The following ETV1 variants were observed in gnomAD, a reference collection of about 807,000 sequenced individuals.
The protein encoded by ETV1 is ETS variant transcription factor 1.
In ETV1, 27 loss-of-function variants were observed where a neutral mutation model predicts 62.3. The observed-to-expected ratio is 0.43, with a 90% CI of 0.32 to 0.60. The LOEUF (loss-of-function observed/expected upper bound fraction) is 0.60. ETV1 is among the 20% of genes least tolerant of loss of function. The pLI, the probability that ETV1 is intolerant of heterozygous loss-of-function variation, is 0.06. For missense variants in ETV1, 605 were observed against 605.8 expected, an observed-to-expected ratio of 1.00 and a Z score of 0.01; for synonymous variants, 222 against 199.6, an observed-to-expected ratio of 1.11 and a Z score of -0.94.
At chr7:13,896,743 G>GGAAAA (rs1781846636) in intron 13 of ETV1, among the ~76,000 whole-genome samples, 1 of 115,302 alleles carries the variant, frequency 8.7e-6, no homozygotes, top group Non-Finnish European at 1.7e-5. Flanking sequence ...AAGAAAGAAA[G>GGAAAA]GAAAGAAAGA....
At chr7:13,931,220 T>C (rs183991137) in intron 9 of ETV1, among the ~76,000 whole-genome samples, 301 of 152,050 alleles carry the variant, frequency 2.0e-3, no homozygotes, top group African/African-American at 7.0e-3. Context: ...AGAAAAAAAA[T>C]TGCAATGTCC....
chr7:13,907,951 C>T (rs1041280651), intron 11 of ETV1: 5 of 377,264 alleles, frequency 1.3e-5, no homozygotes, highest in African/African-American at 2.1e-5. Context: ...ATCTTCATAT[C>T]GATTTCAATG....
At chr7:13,979,706 A>G (rs1308750091) in intron 5 of ETV1, among the ~76,000 whole-genome samples, 1 of 152,154 alleles carries the variant, frequency 6.6e-6, no homozygotes, top group Admixed American at 6.5e-5. Context: ...CTGGGCTTTT[A>G]AAAAGCCAAC....
rs1782331457 is a variant in ETV1, at chr7:13,900,791, C to T, written c.1159G>A (p.Asp387Asn). The change falls in exon 13 of 14, where the codon GAT becomes AAT. Residue 387 changes from aspartate to asparagine, a missense_variant. Asp to Asn is a conservative substitution (Grantham distance 23). Coordinates refer to ENST00000430479, the MANE Select transcript of ETV1 (RefSeq NM_004956.5). Reference sequence around the variant, plus strand: ...TAGCGGAGTGAACGGCTAAGTTTATCATAGTTCATAGCTGGCCTGTTTTTC... The same window carrying T: ...TAGCGGAGTGAACGGCTAAGTTTATTATAGTTCATAGCTGGCCTGTTTTTC... ...IQKNRPAMNY[D>N]KLSRSLRYYY... is the part of the protein sequence containing the mutation. The T allele has an allele frequency of 6.2e-7, 1 of 1,611,612 alleles. No individual in the cohort carries two copies. Among genetic ancestry groups the T allele is most frequent in the Non-Finnish European group, 8.5e-7 (1 of 1,178,906 alleles).
chr7:13,947,644 T>C (rs1448080440), intron 6 of ETV1, among the ~76,000 whole-genome samples: 1 of 152,252 alleles, frequency 6.6e-6, no homozygotes, highest in Non-Finnish European at 1.5e-5. Flanking sequence ...CTCTTGAGTA[T>C]ATAATTCAAA....
chr7:13,989,634 A>G lies in ETV1; in HGVS notation c.-356T>C. 5.0e-6 allele frequency: 2 copies of G among 399,126 alleles called. No homozygotes were observed. The highest frequency in any genetic ancestry group is 6.3e-4 in the Middle Eastern group (1 of 1,588). The allele number at this position is 399,126 out of a possible 1,614,324, so 24.7% of individuals were successfully genotyped here. A position where few individuals can be genotyped will look rare whatever the true frequency, so the allele number is the denominator to read the frequency against. On this transcript the variant is annotated 5_prime_UTR_variant, in exon 1 of 14. Transcript: ENST00000430479. ...TTAATAAAAACATTAATTATAGCCC[A>G]GCACTTCCCCCTTGGAAGCCGAAAG...
chr7:13,918,975 C>G (rs998472566), intron 9 of ETV1, among the ~76,000 whole-genome samples: 3 of 151,766 alleles, frequency 2.0e-5, no homozygotes, highest in African/African-American at 7.3e-5. Context: ...ATCTTATCCT[C>G]TAGCCCCAAA....
chr7:13,968,877 A>ACC (rs1780572612), intron 6 of ETV1, among the ~76,000 whole-genome samples: 1 of 152,160 alleles, frequency 6.6e-6, no homozygotes, highest in South Asian at 2.1e-4. Flanking sequence ...GACTTGATGG[A>ACC]TTCCTGGGAG....
At chr7:13,975,562 C>CA (rs765452116) in intron 6 of ETV1, among the ~76,000 whole-genome samples, 688 of 39,816 alleles carry the variant, frequency 0.017, 8 homozygotes, top group East Asian at 0.039. Flanking sequence ...GACTCTGTCT[C>CA]AAAAAAAAAA....
intron 13 of ETV1, among the ~76,000 whole-genome samples, chr7:13,899,861 G>T (rs962534325): frequency 1.3e-5 from 2 of 152,124 alleles, no homozygotes; most frequent in African/African-American, 4.8e-5. Flanking sequence ...TGGGTGCATT[G>T]GCTCATGCTT....
intron 9 of ETV1, among the ~76,000 whole-genome samples, chr7:13,927,508 A>T (rs1202283091): frequency 6.6e-6 from 1 of 152,146 alleles, no homozygotes; most frequent in African/African-American, 2.4e-5. Flanking sequence ...ACCACATATA[A>T]ATCTATGTGC....
At chr7:13,940,578 C>G (rs1316060475) in intron 6 of ETV1, among the ~76,000 whole-genome samples, 2 of 151,918 alleles carry the variant, frequency 1.3e-5, no homozygotes, top group Non-Finnish European at 2.9e-5. Context: ...AAGGGATAAA[C>G]ACATAACAGA....
At chr7:13,923,043 A>G (rs991318324) in intron 9 of ETV1, among the ~76,000 whole-genome samples, 1 of 152,234 alleles carries the variant, frequency 6.6e-6, no homozygotes, top group Non-Finnish European at 1.5e-5. Context: ...TAGTTTAGAA[A>G]TAAATGACTG....
At chr7:13,915,684 A>T (rs1784076141) in intron 9 of ETV1, among the ~76,000 whole-genome samples, 1 of 152,172 alleles carries the variant, frequency 6.6e-6, no homozygotes, top group Admixed American at 6.5e-5. Flanking sequence ...CAATTGTCAC[A>T]TGTCAAATTG....
At chr7:13,917,288 G>GTACT (rs1784281136) in intron 9 of ETV1, among the ~76,000 whole-genome samples, 1 of 145,180 alleles carries the variant, frequency 6.9e-6, no homozygotes, top group Non-Finnish European at 1.5e-5. Context: ...GTAACTTTGA[G>GTACT]TATTTATTTA....
intron 7 of ETV1, 50 bp from the exon 8 acceptor site, chr7:13,935,946 T>C (rs1330520007): frequency 2.1e-6 from 3 of 1,457,524 alleles, no homozygotes; most frequent in Non-Finnish European, 2.8e-6. Context: ...TGGAGCAATT[T>C]TTTAAAAAAG....
At chr7:13,942,097 C>G (rs1174779455) in intron 6 of ETV1, among the ~76,000 whole-genome samples, 1 of 146,958 alleles carries the variant, frequency 6.8e-6, no homozygotes, top group South Asian at 2.2e-4. Flanking sequence ...GATCTCGGCT[C>G]ACTGCAAGCT....
chr7:13,967,742 G>C (rs999823869), intron 6 of ETV1, among the ~76,000 whole-genome samples: 1 of 151,642 alleles, frequency 6.6e-6, no homozygotes, highest in African/African-American at 2.4e-5. Context: ...CAAACACTAA[G>C]CATACAATTA....
At chr7:13,969,940 T>C (rs759355909) in intron 6 of ETV1, among the ~76,000 whole-genome samples, 1 of 152,094 alleles carries the variant, frequency 6.6e-6, no homozygotes, top group Non-Finnish European at 1.5e-5. Context: ...TTTCCTACTC[T>C]GTACATAAAC....
Sources: allele counts gnomAD v4.1 joint callset (sites outside exome capture counted in the v4.1 genomes callset), GRCh38; gene constraint gnomAD v4.1.1; transcripts MANE v1.5; gene names NCBI Gene and HGNC (gene_info 2026-07-23, HGNC 2026-07-21).